The following FOLH1 variants were observed in gnomAD, a reference collection of about 807,000 sequenced individuals.
The protein encoded by FOLH1 is folate hydrolase 1, also known as glutamate carboxypeptidase 2.
Under a neutral mutation model 93.9 loss-of-function variants are expected in FOLH1, and 54 were observed. The ratio of observed to expected loss-of-function variants is 0.57; its 90% CI spans 0.46 to 0.72. The LOEUF (loss-of-function observed/expected upper bound fraction) is 0.72, where lower values mean the gene tolerates loss of function less well. Among genes scored for constraint, FOLH1 ranks in the 30% least tolerant of loss-of-function variants. The pLI, the probability that FOLH1 is intolerant of heterozygous loss-of-function variation, is 0.00. For missense variants in FOLH1, 571 were observed against 892.5 expected (o/e 0.64, Z 4.59); for synonymous variants, 249 against 303.6 (o/e 0.82, Z 1.87).
At chr11:49,157,336 T>C (rs182334198) in intron 14 of FOLH1, among the ~76,000 whole-genome samples, 1 of 152,130 alleles carries the variant, frequency 6.6e-6, no homozygotes, top group East Asian at 1.9e-4. Flanking sequence ...TACAAGGTGA[T>C]GAGGTGGCAG....
intron 7 of FOLH1, among the ~76,000 whole-genome samples, chr11:49,177,225 C>G (rs924899382): frequency 1.1e-4 from 17 of 152,186 alleles, no homozygotes; most frequent in African/African-American, 4.1e-4. Context: ...TCTCTTTTCC[C>G]TTTTTCACTA....
At chr11:49,185,892 T>C (rs1226828598) in intron 5 of FOLH1, 37 bp from the exon 6 acceptor site, 16 of 1,505,248 alleles carry the variant, frequency 1.1e-5, no homozygotes, top group Non-Finnish European at 1.4e-5. Flanking sequence ...TTATTTTAAA[T>C]TGGTTGTTCC....
intron 17 of FOLH1, among the ~76,000 whole-genome samples, chr11:49,150,458 G>A (rs934423675): frequency 6.6e-6 from 1 of 151,964 alleles, no homozygotes; most frequent in South Asian, 2.1e-4. Flanking sequence ...TTCACCTTAG[G>A]TATCCTAGCA....
intron 4 of FOLH1, among the ~76,000 whole-genome samples, chr11:49,188,624 G>A (rs1012229830): frequency 5.5e-4 from 84 of 151,770 alleles, no homozygotes; most frequent in African/African-American, 2.0e-3. Flanking sequence ...CATAAAATTT[G>A]ATTAGAAATA....
At chr11:49,184,992 A>G (rs1206923073) in intron 6 of FOLH1, among the ~76,000 whole-genome samples, 2 of 152,202 alleles carry the variant, frequency 1.3e-5, no homozygotes, top group African/African-American at 4.8e-5. Context: ...CTCCCTGTGA[A>G]TAAGAGATAA....
chr11:49,177,563 T>C (rs954395981), intron 7 of FOLH1, among the ~76,000 whole-genome samples: 5 of 152,044 alleles, frequency 3.3e-5, no homozygotes, highest in African/African-American at 1.2e-4. Flanking sequence ...ATTTTTTTTT[T>C]CTAACAAAAA....
intron 12 of FOLH1, among the ~76,000 whole-genome samples, chr11:49,168,779 T>C (rs1334340184): frequency 6.6e-6 from 1 of 151,718 alleles, no homozygotes; most frequent in African/African-American, 2.4e-5. Context: ...CAAATGATAC[T>C]TTTTTTCTAC....
intron 4 of FOLH1, among the ~76,000 whole-genome samples, chr11:49,191,346 T>G (rs1044614622): frequency 2.0e-5 from 3 of 152,138 alleles, no homozygotes; most frequent in Middle Eastern, 3.2e-3. Context: ...TGGACATACA[T>G]AGTTTTGAAA....
At chr11:49,194,567 T>C (rs1424902041) in intron 3 of FOLH1, among the ~76,000 whole-genome samples, 2 of 151,794 alleles carry the variant, frequency 1.3e-5, no homozygotes, top group Non-Finnish European at 2.9e-5. Flanking sequence ...ACACCAAAGC[T>C]TTAGGGGAAA....
chr11:49,200,231 T>TTTAC, intron 3 of FOLH1, 24 bp downstream of exon 3: 1 of 1,451,690 alleles, frequency 6.9e-7, no homozygotes, highest in South Asian at 1.4e-5. Flanking sequence ...GAATGTTTCT[T>TTTAC]TTATTTATTT....
At chr11:49,171,412 T>G in intron 10 of FOLH1, 135 bp from the exon 11 acceptor site, 1 of 1,232,158 alleles carries the variant, frequency 8.1e-7, no homozygotes, top group South Asian at 1.7e-5. Flanking sequence ...TAAAAAATCT[T>G]TACTTACGTA....
At chr11:49,190,456 T>C (rs1162382027) in intron 4 of FOLH1, among the ~76,000 whole-genome samples, 1 of 152,222 alleles carries the variant, frequency 6.6e-6, no homozygotes, top group Non-Finnish European at 1.5e-5. Context: ...CTTGCACTCT[T>C]AGCCCGGAAT....
chr11:49,183,757 T>TA (rs1453148801), intron 6 of FOLH1, among the ~76,000 whole-genome samples: 8 of 151,378 alleles, frequency 5.3e-5, no homozygotes, highest in Non-Finnish European at 1.0e-4. Flanking sequence ...AGCAAGGCTT[T>TA]AAAAAAAAAT....
chr11:49,192,056 C>T (rs1325650147), intron 4 of FOLH1, among the ~76,000 whole-genome samples: 1 of 152,134 alleles, frequency 6.6e-6, no homozygotes, highest in Non-Finnish European at 1.5e-5. Flanking sequence ...CAATAGATCA[C>T]ATTCATTTAA....
At chr11:49,177,052 G>C (rs1428517816) in intron 7 of FOLH1, among the ~76,000 whole-genome samples, 2 of 152,188 alleles carry the variant, frequency 1.3e-5, no homozygotes, top group Non-Finnish European at 2.9e-5. Context: ...ACGGGTGCTT[G>C]TTCCCTGTCT....
intron 12 of FOLH1, among the ~76,000 whole-genome samples, chr11:49,166,167 T>C (rs1448570965): frequency 1.3e-5 from 2 of 152,200 alleles, no homozygotes; most frequent in African/African-American, 2.4e-5. Context: ...AGATATGTGC[T>C]GATATGGAAA....
chr11:49,202,936 C>G (rs2135330595), intron 2 of FOLH1, among the ~76,000 whole-genome samples: 1 of 152,286 alleles, frequency 6.6e-6, no homozygotes, highest in South Asian at 2.1e-4. Flanking sequence ...TGTGACGATA[C>G]TTGGAATATA....
chr11:49,207,299 A>T (rs1232786695), intron 1 of FOLH1, among the ~76,000 whole-genome samples: 1 of 152,246 alleles, frequency 6.6e-6, no homozygotes, highest in African/African-American at 2.4e-5. Context: ...TACAGGGATG[A>T]GAGTGAGGGC....
intron 12 of FOLH1, among the ~76,000 whole-genome samples, chr11:49,167,115 G>C (rs745837023): frequency 1.3e-5 from 2 of 151,994 alleles, no homozygotes; most frequent in Non-Finnish European, 2.9e-5. Flanking sequence ...TATATTTGGA[G>C]TATTTATTCT....
Sources: allele counts gnomAD v4.1 joint callset (sites outside exome capture counted in the v4.1 genomes callset), GRCh38; gene constraint gnomAD v4.1.1; transcripts MANE v1.5; gene names NCBI Gene and HGNC (gene_info 2026-07-23, HGNC 2026-07-21).